ZFPM2: variants seen among roughly 807,000 people sequenced by gnomAD.
ZFPM2 encodes the protein zinc finger protein, FOG family member 2.
A neutral mutation model predicts 98.6 loss-of-function variants in ZFPM2; 20 were observed. The observed-to-expected ratio is 0.20, with a 90% CI of 0.14 to 0.29. ZFPM2 has a LOEUF of 0.29. ZFPM2 is among the 10% of genes least tolerant of loss of function. The pLI is 1.00. For synonymous variants in ZFPM2, 518 were observed against 502.7 expected (o/e 1.03, Z -0.41); for missense variants, 1,310 against 1,388.6 (o/e 0.94, Z 0.90).
intron 1 of ZFPM2, among the ~76,000 whole-genome samples, chr8:105,336,192 G>C (rs1048684123): frequency 6.6e-6 from 1 of 151,646 alleles, no homozygotes; most frequent in East Asian, 1.9e-4. Context: ...TCCTTGTGTC[G>C]TGTCCTTTTA....
chr8:105,457,582 T>C (rs1427845557), intron 3 of ZFPM2, among the ~76,000 whole-genome samples: 1 of 152,196 alleles, frequency 6.6e-6, no homozygotes, highest in Admixed American at 6.5e-5. Context: ...TAAGACTTGA[T>C]GCTGATGAGG....
chr8:105,407,236 G>T (rs1049955248), intron 1 of ZFPM2, among the ~76,000 whole-genome samples: 13 of 151,488 alleles, frequency 8.6e-5, no homozygotes, highest in African/African-American at 3.2e-4. Context: ...TTAAACAGTG[G>T]CAGGGAAATA....
At chr8:105,745,044 CTCT>C (rs1018670156) in intron 5 of ZFPM2, among the ~76,000 whole-genome samples, 1 of 152,124 alleles carries the variant, frequency 6.6e-6, no homozygotes, top group African/African-American at 2.4e-5. Flanking sequence ...CAAGCTCTAG[CTCT>C]TCTTCTCATA....
chr8:105,358,224 G>A (rs1812784226), intron 1 of ZFPM2, among the ~76,000 whole-genome samples: 1 of 151,696 alleles, frequency 6.6e-6, no homozygotes, highest in South Asian at 2.1e-4. Flanking sequence ...GTTGGTTTCA[G>A]TAACTATGTT....
At chr8:105,538,429 T>C (rs888460758) in intron 3 of ZFPM2, among the ~76,000 whole-genome samples, 4 of 152,172 alleles carry the variant, frequency 2.6e-5, no homozygotes, top group Admixed American at 2.0e-4. Flanking sequence ...TGGTAGACGT[T>C]ATGTTTAGAA....
At chr8:105,682,427 A>G (rs1810628739) in intron 5 of ZFPM2, among the ~76,000 whole-genome samples, 1 of 152,206 alleles carries the variant, frequency 6.6e-6, no homozygotes, top group South Asian at 2.1e-4. Flanking sequence ...GAGCATTTGA[A>G]CTATGAGATT....
intron 5 of ZFPM2, among the ~76,000 whole-genome samples, chr8:105,654,299 T>C (rs138380131): frequency 2.6e-5 from 4 of 152,060 alleles, no homozygotes; most frequent in Admixed American, 1.3e-4. Context: ...AAAATATATA[T>C]GCTCTCTGTC....
At chr8:105,445,783 T>G (rs1233980207) in intron 3 of ZFPM2, among the ~76,000 whole-genome samples, 1 of 151,950 alleles carries the variant, frequency 6.6e-6, no homozygotes, top group African/African-American at 2.4e-5. Context: ...TTTTATATTT[T>G]TTGTAGAGAC....
intron 3 of ZFPM2, among the ~76,000 whole-genome samples, chr8:105,462,488 G>A (rs1265615142): frequency 1.5e-4 from 23 of 152,106 alleles, no homozygotes; most frequent in Admixed American, 1.5e-3. Flanking sequence ...AAGGTAATGG[G>A]AGACAGAATC....
rs149369901 is a variant in ZFPM2, at chr8:105,525,105, G to C, written c.302-36258G>C. Among the ~76,000 whole-genome samples the C allele has an allele frequency of 3.4e-4, 51 of 152,224 alleles. 1 individual carries two copies. In the East Asian group the frequency reaches 8.7e-3, roughly 26 times the overall value. On this transcript the variant is annotated intron_variant, in intron 3 of 7. Transcript: ENST00000407775. The stretch of plus-strand genomic sequence containing the variant: ...AAATCCTACAGTGTAATTAAAACCT[G>C]TTTGTGACCCCTATTCTTTTAAGCA...
intron 5 of ZFPM2, among the ~76,000 whole-genome samples, chr8:105,651,917 A>G (rs1817186597): frequency 1.3e-5 from 2 of 152,182 alleles, no homozygotes; most frequent in South Asian, 4.1e-4. Flanking sequence ...AACATTCCTT[A>G]GTGAGATTTT....
intron 3 of ZFPM2, among the ~76,000 whole-genome samples, chr8:105,530,460 G>A (rs1324457838): frequency 6.6e-6 from 1 of 152,148 alleles, no homozygotes; most frequent in African/African-American, 2.4e-5. Context: ...AGATCGGGAG[G>A]CTAGAAGTCC....
intron 3 of ZFPM2, among the ~76,000 whole-genome samples, chr8:105,496,982 C>CAAAAA (rs1207276670): frequency 3.2e-5 from 1 of 31,498 alleles, no homozygotes. Context: ...AACTCCGTCT[C>CAAAAA]AAAAAAAAAA....
chr8:105,741,935 G>C (rs1369469968), intron 5 of ZFPM2, among the ~76,000 whole-genome samples: 1 of 152,068 alleles, frequency 6.6e-6, no homozygotes, highest in African/African-American at 2.4e-5. Flanking sequence ...CTTATGATGA[G>C]GGACACAGTG....
Position 105,802,817 on chromosome 8 carries a change from G to A in ZFPM2, c.2735G>A (p.Ser912Asn), listed in dbSNP as rs1350390397. The change falls in exon 8 of 8, where the codon AGC becomes AAC. Residue 912 changes from serine to asparagine, a missense_variant. Coordinates refer to ENST00000407775, the MANE Select transcript of ZFPM2 (RefSeq NM_012082.4). ...RNSPDVSYER[S>N]IIKCEKNGNL... is the part of the protein sequence containing the mutation. ...AGCCCTGATGTCAGCTACGAAAGAA[G>A]CATAATAAAATGTGAGAAAAATGGG... The A allele has an allele frequency of 6.2e-7, 1 of 1,613,484 alleles. No homozygotes were observed. The highest frequency in any genetic ancestry group is 1.3e-5 in the African/African-American group (1 of 74,930).
intron 3 of ZFPM2, among the ~76,000 whole-genome samples, chr8:105,509,405 G>A (rs1813768936): frequency 6.6e-6 from 1 of 152,116 alleles, no homozygotes; most frequent in Non-Finnish European, 1.5e-5. Context: ...ATCGGTAGCT[G>A]TTGACCTTTC....
At position 105,801,702 on chromosome 8, in the gene ZFPM2, C is replaced by T. The variant is rs1186450406; in HGVS notation, c.1620C>T (p.Tyr540=). 3 of 1,613,852 alleles carry T rather than the reference C, an allele frequency of 1.9e-6. No homozygotes were observed. Among genetic ancestry groups the T allele is most frequent in the Admixed American group, 3.3e-5 (2 of 60,020 alleles). The change falls in exon 8 of 8, where the codon TAC becomes TAT. Residue 540 remains tyrosine (Y), a synonymous_variant. Transcript: ENST00000407775. Reference sequence around the variant, plus strand: ...GTAGTAGCTACCCTCCCGTCATTTACAGCCCTTTGATGCCCAAGGGGGCTA... The same window carrying T: ...GTAGTAGCTACCCTCCCGTCATTTATAGCCCTTTGATGCCCAAGGGGGCTA... ...HGSSSYPPVI[Y]SPLMPKGATC...
intron 5 of ZFPM2, among the ~76,000 whole-genome samples, chr8:105,698,933 T>G (rs1298531250): frequency 1.3e-5 from 2 of 152,182 alleles, no homozygotes; most frequent in African/African-American, 4.8e-5. Context: ...CTCCTTGCTA[T>G]ATTCTTTTGA....
At chr8:105,655,101 C>A (rs1030955947) in intron 5 of ZFPM2, among the ~76,000 whole-genome samples, 1 of 151,718 alleles carries the variant, frequency 6.6e-6, no homozygotes, top group Non-Finnish European at 1.5e-5. Context: ...CCATAAAATT[C>A]TCCTTGTTGA....
Sources: allele counts gnomAD v4.1 joint callset (sites outside exome capture counted in the v4.1 genomes callset), GRCh38; gene constraint gnomAD v4.1.1; transcripts MANE v1.5; gene names NCBI Gene and HGNC (gene_info 2026-07-23, HGNC 2026-07-21).